ARID2: variants seen among roughly 807,000 people sequenced by gnomAD.
The protein encoded by ARID2 is AT-rich interactive domain-containing protein 2.
In ARID2, 32 loss-of-function variants were observed where a neutral mutation model predicts 184.6. The observed-to-expected ratio is 0.17, with a 90% CI of 0.13 to 0.23. The LOEUF (loss-of-function observed/expected upper bound fraction) is 0.23, where lower values mean the gene tolerates loss of function less well. Among genes scored for constraint, ARID2 ranks in the 10% least tolerant of loss-of-function variants. The pLI is 1.00. For missense variants in ARID2, 1,696 were observed against 2,197.6 expected (o/e 0.77, Z 4.56); for synonymous variants, 836 against 772.6 (o/e 1.08, Z -1.36).
chr12:45,828,143 A>C (rs145906503), intron 6 of ARID2, among the ~76,000 whole-genome samples: 1 of 152,182 alleles, frequency 6.6e-6, no homozygotes, highest in East Asian at 1.9e-4. Context: ...GAACATTATC[A>C]ACACCTCTGA....
At chr12:45,854,468 G>GT (rs1318295298) in intron 15 of ARID2, among the ~76,000 whole-genome samples, 1 of 152,056 alleles carries the variant, frequency 6.6e-6, no homozygotes, top group African/African-American at 2.4e-5. Context: ...GGAAAATACT[G>GT]TATCATTTTT....
chr12:45,749,304 G>A (rs920079992), intron 3 of ARID2, among the ~76,000 whole-genome samples: 3 of 152,146 alleles, frequency 2.0e-5, no homozygotes, highest in African/African-American at 7.2e-5. Flanking sequence ...TTTTGAAAGT[G>A]ATCTTTTTTT....
At chr12:45,856,928 C>T (rs1451744654) in intron 15 of ARID2, among the ~76,000 whole-genome samples, 1 of 152,080 alleles carries the variant, frequency 6.6e-6, no homozygotes, top group Non-Finnish European at 1.5e-5. Flanking sequence ...AATACTATTT[C>T]CAGAAGCCCT....
intron 16 of ARID2, among the ~76,000 whole-genome samples, chr12:45,890,103 T>G (rs931097573): frequency 6.6e-6 from 1 of 152,144 alleles, no homozygotes; most frequent in Non-Finnish European, 1.5e-5. Context: ...AGTAGTTAGA[T>G]AGAGAGAAAA....
intron 3 of ARID2, among the ~76,000 whole-genome samples, chr12:45,733,575 C>G (rs973972235): frequency 6.6e-6 from 1 of 152,180 alleles, no homozygotes; most frequent in South Asian, 2.1e-4. Flanking sequence ...TATTGTAAGA[C>G]TGTCATTATA....
intron 5 of ARID2, among the ~76,000 whole-genome samples, chr12:45,819,889 G>A (rs1322062265): frequency 6.6e-6 from 1 of 151,876 alleles, no homozygotes; most frequent in African/African-American, 2.4e-5. Flanking sequence ...GACTACGAGT[G>A]AGCACCACCA....
chr12:45,781,215 A>C (rs1233089938), intron 3 of ARID2, among the ~76,000 whole-genome samples: 1 of 149,780 alleles, frequency 6.7e-6, no homozygotes, highest in Non-Finnish European at 1.5e-5. Flanking sequence ...TCTAGCTAAG[A>C]GTCTGTCACT....
At chr12:45,839,870 G>C (rs1011464592) in intron 11 of ARID2, 1 of 176,210 alleles carries the variant, frequency 5.7e-6, no homozygotes, top group Non-Finnish European at 1.2e-5. Context: ...TTTCTCAGGT[G>C]ATCATCAGGA....
At chr12:45,876,427 G>A (rs1422732081) in intron 16 of ARID2, among the ~76,000 whole-genome samples, 1 of 152,144 alleles carries the variant, frequency 6.6e-6, no homozygotes, top group Non-Finnish European at 1.5e-5. Context: ...GCACATGCCT[G>A]TAATCCCAGC....
chr12:45,818,092 A>G (rs1444166963), intron 5 of ARID2, among the ~76,000 whole-genome samples: 2 of 152,086 alleles, frequency 1.3e-5, no homozygotes, highest in African/African-American at 4.8e-5. Flanking sequence ...GTGTTTTTGA[A>G]GTAAAAGTCC....
chr12:45,730,464 C>G lies in ARID2; in HGVS notation c.186+327C>G, dbSNP rs541852437. Among the ~76,000 whole-genome samples the G allele has an allele frequency of 1.1e-4, 17 of 150,058 alleles. No individual in the cohort carries two copies. In the South Asian group the frequency reaches 3.5e-3, roughly 31 times the overall value. On this transcript the variant is annotated intron_variant, in intron 2 of 20. Coordinates refer to ENST00000334344, the MANE Select transcript of ARID2 (RefSeq NM_152641.4). ...GGGGCGCCAGCCTGAGCCCCGCGCC[C>G]GCCCCGCTCCCGCGCCGCCCGCCCG...
intron 20 of ARID2, among the ~76,000 whole-genome samples, chr12:45,894,847 T>C (rs1944349278): frequency 6.6e-6 from 1 of 152,216 alleles, no homozygotes; most frequent in African/African-American, 2.4e-5. Context: ...CTAACCTCTT[T>C]TTTGTTTCAT....
At chr12:45,773,281 T>C (rs570286271) in intron 3 of ARID2, among the ~76,000 whole-genome samples, 27 of 152,056 alleles carry the variant, frequency 1.8e-4, no homozygotes, top group Non-Finnish European at 1.6e-4. Context: ...TAATTGTAAA[T>C]GTCTATTAAA....
intron 11 of ARID2, chr12:45,842,234 C>CA (rs112340383): frequency 0.093 from 9,880 of 105,682 alleles, 1,147 homozygotes; most frequent in African/African-American, 0.28. Context: ...TGGTCTATCT[C>CA]AAAAAAAAAA....
chr12:45,869,718 A>C (rs907864566), intron 16 of ARID2, among the ~76,000 whole-genome samples: 1 of 151,810 alleles, frequency 6.6e-6, no homozygotes, highest in African/African-American at 2.4e-5. Flanking sequence ...CCCCGTCTCT[A>C]CTAAAAATGT....
chr12:45,793,036 C>T (rs1289585067), intron 3 of ARID2, among the ~76,000 whole-genome samples: 6 of 152,164 alleles, frequency 3.9e-5, no homozygotes, highest in East Asian at 3.9e-4. Flanking sequence ...CAGTGGCTCA[C>T]GCCTGTAATC....
chr12:45,766,559 G>A (rs1278784667), intron 3 of ARID2, among the ~76,000 whole-genome samples: 11 of 142,248 alleles, frequency 7.7e-5, no homozygotes. Flanking sequence ...TGTCACCCTG[G>A]CTGGAGTGCA....
intron 6 of ARID2, among the ~76,000 whole-genome samples, chr12:45,833,876 A>G (rs906416489): frequency 2.6e-5 from 4 of 152,176 alleles, no homozygotes; most frequent in African/African-American, 9.7e-5. Context: ...AATGAACTCA[A>G]AGTATATGTA....
intron 5 of ARID2, among the ~76,000 whole-genome samples, chr12:45,820,692 T>A (rs1942880710): frequency 6.6e-6 from 1 of 152,198 alleles, no homozygotes; most frequent in South Asian, 2.1e-4. Context: ...ATTTGAATCA[T>A]ACTGCTTTAT....
Sources: allele counts gnomAD v4.1 joint callset (sites outside exome capture counted in the v4.1 genomes callset), GRCh38; gene constraint gnomAD v4.1.1; transcripts MANE v1.5; gene names NCBI Gene and HGNC (gene_info 2026-07-23, HGNC 2026-07-21).